The following SAMD12 variants were observed in gnomAD, a reference collection of about 807,000 sequenced individuals.
SAMD12 encodes the protein sterile alpha motif domain-containing protein 12.
A neutral mutation model predicts 15.0 loss-of-function variants in SAMD12; 9 were observed. The ratio of observed to expected loss-of-function variants is 0.60; its 90% CI spans 0.36 to 1.05. SAMD12 has a LOEUF of 1.05. SAMD12 is among the 50% of genes least tolerant of loss of function. The pLI, the probability that SAMD12 is intolerant of heterozygous loss-of-function variation, is 0.01. For synonymous variants in SAMD12, 86 were observed against 90.1 expected, an observed-to-expected ratio of 0.96 and a Z score of 0.25; for missense variants, 230 against 234.2, an observed-to-expected ratio of 0.98 and a Z score of 0.12.
At chr8:118,140,620 G>T in the SAMD12 span, among the ~76,000 whole-genome samples, 1 of 152,104 alleles carries the variant, frequency 6.6e-6, no homozygotes, top group Non-Finnish European at 1.5e-5. Context: ...TGTATTGGGG[G>T]TAAGAGACAA....
intron 3 of SAMD12, among the ~76,000 whole-genome samples, chr8:118,410,767 G>C (rs563641276): frequency 6.6e-6 from 1 of 152,312 alleles, no homozygotes; most frequent in Non-Finnish European, 1.5e-5. Flanking sequence ...GAGCCTATCT[G>C]AAGTTCCTTA....
chr8:118,500,653 A>G (rs538096916), intron 2 of SAMD12, among the ~76,000 whole-genome samples: 17 of 152,088 alleles, frequency 1.1e-4, no homozygotes, highest in African/African-American at 4.1e-4. Context: ...TAAAAATACA[A>G]AAATTAGCTG....
chr8:118,612,833 A>C (rs1237210920), intron 1 of SAMD12, among the ~76,000 whole-genome samples: 1 of 152,224 alleles, frequency 6.6e-6, no homozygotes, highest in Non-Finnish European at 1.5e-5. Flanking sequence ...TAGTGAATAA[A>C]CTGCTGTATA....
intron 2 of SAMD12, among the ~76,000 whole-genome samples, chr8:118,492,159 T>C (rs892415122): frequency 1.3e-5 from 2 of 150,974 alleles, no homozygotes; most frequent in Admixed American, 6.6e-5. Flanking sequence ...GTCATACTAG[T>C]TTGTATCAAG....
rs79723838 is a variant in SAMD12, at chr8:118,594,114, G to A, written c.14-13221C>T. The stretch of plus-strand genomic sequence containing the variant: ...CTCTGAGGGAGAAAGAGATGAACAG[G>A]GATTCAGAGATAAATCAGCTCTGGT... On this transcript the variant is annotated intron_variant, in intron 1 of 3. Coordinates refer to ENST00000314727, the MANE Select transcript of SAMD12 (RefSeq NM_207506.3). 4.0e-3 allele frequency among the ~76,000 whole-genome samples: 614 copies of A among 151,978 alleles called. 4 individuals are homozygous for A. Among genetic ancestry groups the A allele is most frequent in the African/African-American group, 0.014 (595 of 41,464 alleles).
chr8:118,270,735 A>G (rs1011810362), intron 4 of SAMD12, among the ~76,000 whole-genome samples: 2 of 152,174 alleles, frequency 1.3e-5, no homozygotes, highest in African/African-American at 4.8e-5. Context: ...TCATAAGACA[A>G]TCTTTCCTAG....
At chr8:118,429,980 T>C (rs113726804) in intron 3 of SAMD12, among the ~76,000 whole-genome samples, 1 of 152,262 alleles carries the variant, frequency 6.6e-6, no homozygotes, top group African/African-American at 2.4e-5. Context: ...TTTTTAACCA[T>C]TTAGGATGAT....
At chr8:118,405,504 C>T (rs1247987157) in intron 3 of SAMD12, among the ~76,000 whole-genome samples, 1 of 152,102 alleles carries the variant, frequency 6.6e-6, no homozygotes, top group African/African-American at 2.4e-5. Flanking sequence ...ATAGTGGTTA[C>T]CTTGGAAGAC....
intron 4 of SAMD12, among the ~76,000 whole-genome samples, chr8:118,334,045 C>T (rs1816938974): frequency 6.6e-6 from 1 of 152,072 alleles, no homozygotes; most frequent in Non-Finnish European, 1.5e-5. Context: ...ACCAATAATC[C>T]TCTTTCAAGA....
At chr8:118,381,142 T>G (rs1422216837) in intron 3 of SAMD12, among the ~76,000 whole-genome samples, 1 of 152,234 alleles carries the variant, frequency 6.6e-6, no homozygotes, top group Admixed American at 6.5e-5. Context: ...AGATGTTTAA[T>G]AAGAAACACT....
At chr8:118,349,119 A>G (rs1817822637) in intron 4 of SAMD12, among the ~76,000 whole-genome samples, 2 of 152,228 alleles carry the variant, frequency 1.3e-5, no homozygotes, top group South Asian at 2.1e-4. Context: ...AGAGTCATAC[A>G]GATCTTCATG....
intron 4 of SAMD12, among the ~76,000 whole-genome samples, chr8:118,213,027 G>A (rs1000760056): frequency 6.6e-6 from 1 of 152,140 alleles, no homozygotes; most frequent in African/African-American, 2.4e-5. Flanking sequence ...AGCATAAAAG[G>A]GTGGAGGGAG....
intron 2 of SAMD12, among the ~76,000 whole-genome samples, chr8:118,511,264 G>A (rs4557731): frequency 0.22 from 33,506 of 152,054 alleles, 3,939 homozygotes; most frequent in South Asian, 0.41. Context: ...AAGAAAGATC[G>A]ATTCTTATTT....
intron 4 of SAMD12, among the ~76,000 whole-genome samples, chr8:118,348,377 CTT>C (rs113186433): frequency 6.8e-6 from 1 of 146,886 alleles, no homozygotes; most frequent in African/African-American, 2.5e-5. Context: ...CCACTTATTA[CTT>C]TTTTTTTTTG....
At chr8:118,313,082 C>T (rs1347741800) in intron 4 of SAMD12, among the ~76,000 whole-genome samples, 2 of 152,144 alleles carry the variant, frequency 1.3e-5, no homozygotes, top group African/African-American at 4.8e-5. Context: ...TTCCCTCCAT[C>T]AAGAGCCACT....
At position 118,530,388 on chromosome 8, in the gene SAMD12, C is replaced by A. The variant is rs190763806; in HGVS notation, c.192+50327G>T. 2.0e-5 allele frequency among the ~76,000 whole-genome samples: 3 copies of A among 152,246 alleles called. No individual in the cohort carries two copies. The East Asian group carries it at 5.8e-4, about 29-fold the overall frequency. ...CTCCTCCCACCTTCCACCCTCAAGT[C>A]GGCCCCAGTGTCTATTGTTTCCTTC... On this transcript the variant is annotated intron_variant, in intron 2 of 3. Transcript: ENST00000314727.
intron 2 of SAMD12, among the ~76,000 whole-genome samples, chr8:118,454,575 T>C (rs938770176): frequency 3.3e-5 from 5 of 152,222 alleles, no homozygotes; most frequent in Non-Finnish European, 5.9e-5. Flanking sequence ...TACTAAATAT[T>C]GGATCTTTCA....
At chr8:118,451,899 A>G (rs756258132) in intron 2 of SAMD12, among the ~76,000 whole-genome samples, 11 of 152,194 alleles carry the variant, frequency 7.2e-5, no homozygotes, top group Admixed American at 2.6e-4. Flanking sequence ...GAATAAATTG[A>G]CAGGGCTGGT....
chr8:118,166,142 T>C, the SAMD12 span, among the ~76,000 whole-genome samples: 2 of 152,238 alleles, frequency 1.3e-5, no homozygotes, highest in Non-Finnish European at 2.9e-5. Flanking sequence ...TCTAGTTACT[T>C]GTAATGATTG....
Sources: allele counts gnomAD v4.1 joint callset (sites outside exome capture counted in the v4.1 genomes callset), GRCh38; gene constraint gnomAD v4.1.1; transcripts MANE v1.5; gene names NCBI Gene and HGNC (gene_info 2026-07-23, HGNC 2026-07-21).